Variants in ADAMTS2 observed in about 807,000 individuals in gnomAD.
ADAMTS2 encodes the protein ADAM metallopeptidase with thrombospondin type 1 motif 2, also known as A disintegrin and metalloproteinase with thrombospondin motifs 2.
In ADAMTS2, 50 loss-of-function variants were observed where a neutral mutation model predicts 123.0. That is an observed-to-expected ratio of 0.41 (90% CI 0.32 to 0.51). The LOEUF is 0.51. ADAMTS2 is among the 20% of genes least tolerant of loss of function. The pLI is 0.35. For synonymous variants in ADAMTS2, 678 were observed against 695.4 expected (o/e 0.98, Z 0.39); for missense variants, 1,494 against 1,705.2 (o/e 0.88, Z 2.18).
At chr5:179,282,270 T>C (rs1437244440) in intron 2 of ADAMTS2, among the ~76,000 whole-genome samples, 1 of 152,240 alleles carries the variant, frequency 6.6e-6, no homozygotes, top group Non-Finnish European at 1.5e-5. Flanking sequence ...TAGTTTTAGC[T>C]CTTACATGTA....
At chr5:179,265,567 C>G (rs570563065) in intron 3 of ADAMTS2, among the ~76,000 whole-genome samples, 9 of 152,340 alleles carry the variant, frequency 5.9e-5, no homozygotes, top group Admixed American at 3.3e-4. Flanking sequence ...CAGGGCAGCG[C>G]TCTGAGCAGC....
intron 3 of ADAMTS2, among the ~76,000 whole-genome samples, chr5:179,210,521 C>T (rs993270226): frequency 1.4e-4 from 22 of 152,228 alleles, no homozygotes; most frequent in African/African-American, 5.1e-4. Context: ...AAATTATGTT[C>T]TAGAGCATCC....
At chr5:179,125,338 G>A (rs940227291) in intron 18 of ADAMTS2, among the ~76,000 whole-genome samples, 158 bp from the exon 19 acceptor site, 1 of 152,214 alleles carries the variant, frequency 6.6e-6, no homozygotes, top group Admixed American at 6.5e-5. Flanking sequence ...TCACTAAGAT[G>A]CTGGCTGTCC....
At chr5:179,152,371 G>C in intron 9 of ADAMTS2, 116 bp from the exon 10 acceptor site, 1 of 949,164 alleles carries the variant, frequency 1.1e-6, no homozygotes, top group Non-Finnish European at 1.7e-6. Context: ...GCCCATGATG[G>C]GCCCGTGAGG....
intron 20 of ADAMTS2, 80 bp downstream of exon 20, chr5:179,122,564 T>G (rs1265726425): frequency 1.3e-6 from 2 of 1,524,550 alleles, no homozygotes; most frequent in Non-Finnish European, 1.8e-6. Context: ...AGAGCCAGAT[T>G]TGCCTGAACC....
chr5:179,335,733 C>G (rs1343780200), intron 2 of ADAMTS2, among the ~76,000 whole-genome samples: 6 of 152,226 alleles, frequency 3.9e-5, no homozygotes, highest in Non-Finnish European at 8.8e-5. Context: ...AGAATGGCCA[C>G]TAGCAAGCCT....
At chr5:179,121,998 G>A in intron 20 of ADAMTS2, 2 of 365,086 alleles carry the variant, frequency 5.5e-6, no homozygotes, top group Non-Finnish European at 9.8e-6. Context: ...AGGCCCTGCC[G>A]CCTCCTTTTC....
In ADAMTS2 at chr5:179,154,342, T is replaced by C. The variant is rs1270975237; in HGVS notation, c.1239-150A>G. 5 of 1,158,362 alleles carry C rather than the reference T, an allele frequency of 4.3e-6. No individual in the cohort carries two copies. In the African/African-American group the frequency reaches 7.6e-5, roughly 18 times the overall value. The allele number at this position is 1,158,362 out of a possible 1,614,324, so 71.8% of individuals were successfully genotyped here. ...AGCCGGGTGGCACCGACCATCTACC[T>C]GCTGCAATTTGAAAGCCGAGGCACT... On this transcript the variant is annotated intron_variant, in intron 7 of 21. Coordinates refer to ENST00000251582, the MANE Select transcript of ADAMTS2 (RefSeq NM_014244.5).
chr5:179,284,906 A>G (rs1040340202), intron 2 of ADAMTS2, among the ~76,000 whole-genome samples: 5 of 152,182 alleles, frequency 3.3e-5, no homozygotes, highest in African/African-American at 9.7e-5. Flanking sequence ...GCACAGTCTA[A>G]TAATTAAGCA....
intron 7 of ADAMTS2, 22 bp downstream of exon 7, chr5:179,154,792 C>A: frequency 6.3e-7 from 1 of 1,588,340 alleles, no homozygotes; most frequent in South Asian, 1.1e-5. Flanking sequence ...CTCTGTGCCC[C>A]ACCCTTCCCC....
intron 2 of ADAMTS2, among the ~76,000 whole-genome samples, chr5:179,300,340 C>G (rs1043726928): frequency 1.3e-5 from 2 of 152,084 alleles, no homozygotes; most frequent in Non-Finnish European, 2.9e-5. Flanking sequence ...TTTGCTTTCT[C>G]CTTAATACTT....
chr5:179,202,040 G>C lies in ADAMTS2; in HGVS notation c.891+5473C>G, dbSNP rs1210705056. ...CTTCTGGCAAGTCTGAGATGAAAAG[G>C]GCAGCTTCATCTTTCCCATAGAAAA... On this transcript the variant is annotated intron_variant, in intron 4 of 21. Transcript: ENST00000251582. This position sits in a 1 kb window ranked among gnomAD's most constrained non-coding sequence, Gnocchi z 4.0. Among the ~76,000 whole-genome samples, 1 of 152,104 alleles carries C rather than the reference G, an allele frequency of 6.6e-6. No individual in the cohort carries two copies. Among genetic ancestry groups the C allele is most frequent in the African/African-American group, 2.4e-5 (1 of 41,424 alleles).
At chr5:179,333,287 G>A (rs555189663) in intron 2 of ADAMTS2, among the ~76,000 whole-genome samples, 2 of 152,296 alleles carry the variant, frequency 1.3e-5, no homozygotes, top group African/African-American at 4.8e-5. Context: ...GTCTTAACTG[G>A]GAAAATGGAG....
intron 13 of ADAMTS2, among the ~76,000 whole-genome samples, chr5:179,135,069 G>GCTCCA (rs1763040228): frequency 2.6e-5 from 1 of 38,998 alleles, no homozygotes; most frequent in Admixed American, 3.1e-4. Context: ...CCAGCTCCCG[G>GCTCCA]GTCCAGCTCC....
chr5:179,227,472 G>C (rs565823727), intron 3 of ADAMTS2, among the ~76,000 whole-genome samples: 1 of 152,142 alleles, frequency 6.6e-6, no homozygotes, highest in African/African-American at 2.4e-5. Flanking sequence ...GTCTGGCACC[G>C]ATCTGCTTGG....
At chr5:179,224,576 G>A (rs467289) in intron 3 of ADAMTS2, among the ~76,000 whole-genome samples, 120,048 of 152,204 alleles carry the variant, frequency 0.79, 48,393 homozygotes, top group East Asian at 0.99. Flanking sequence ...TTTTGCTCCC[G>A]TGAGAAAAGC....
Position 179,308,227 on chromosome 5 carries a change from G to A in ADAMTS2, c.535-35163C>T, listed in dbSNP as rs1038622858. Among the ~76,000 whole-genome samples the A allele has an allele frequency of 1.3e-5, 2 of 152,230 alleles. No individual in the cohort carries two copies. Among genetic ancestry groups the A allele is most frequent in the African/African-American group, 4.8e-5 (2 of 41,464 alleles). On this transcript the variant is annotated intron_variant, in intron 2 of 21. Transcript: ENST00000251582. This position sits in a 1 kb window ranked among gnomAD's most constrained non-coding sequence, Gnocchi z 6.6. Reference sequence around the variant, plus strand: ...AAAGCATTCAGGCTGCTCGGTGGAGGTGGGAAGACAGGCGCTGAGAGTTGT... The same window carrying A: ...AAAGCATTCAGGCTGCTCGGTGGAGATGGGAAGACAGGCGCTGAGAGTTGT...
chr5:179,304,924 C>CA (rs1296786492), intron 2 of ADAMTS2, among the ~76,000 whole-genome samples: 7 of 150,440 alleles, frequency 4.7e-5, no homozygotes, highest in South Asian at 2.1e-4. Flanking sequence ...AAACTACAGA[C>CA]AAAAAAAAGT....
At chr5:179,220,130 C>T (rs984295899) in intron 3 of ADAMTS2, among the ~76,000 whole-genome samples, 31 of 152,250 alleles carry the variant, frequency 2.0e-4, no homozygotes, top group Admixed American at 6.5e-5. Flanking sequence ...CACCGCAGCA[C>T]GCGGCAGCCA....
Sources: allele counts gnomAD v4.1 joint callset (sites outside exome capture counted in the v4.1 genomes callset), GRCh38; gene constraint gnomAD v4.1.1; non-coding constraint Gnocchi (gnomAD v3.1); transcripts MANE v1.5; gene names NCBI Gene and HGNC (gene_info 2026-07-23, HGNC 2026-07-21).